KCTD16: variants seen among roughly 807,000 people sequenced by gnomAD.
KCTD16 encodes BTB/POZ domain-containing protein KCTD16.
Under a neutral mutation model 33.2 loss-of-function variants are expected in KCTD16, and 13 were observed. That is an observed-to-expected ratio of 0.39 (90% CI 0.25 to 0.62). The LOEUF (loss-of-function observed/expected upper bound fraction) is 0.62. Ranked by LOEUF, KCTD16 falls within the 20% of genes least tolerant of loss-of-function variation. The probability of loss-of-function intolerance (pLI) is 0.50; values close to 1 mark genes in which losing one functional copy is unlikely to be tolerated. For synonymous variants in KCTD16, 197 were observed against 195.3 expected (o/e 1.01, Z -0.07); for missense variants, 441 against 525.1 (o/e 0.84, Z 1.57).
At chr5:144,465,382 C>A (rs1053940774) in intron 3 of KCTD16, among the ~76,000 whole-genome samples, 1 of 152,156 alleles carries the variant, frequency 6.6e-6, no homozygotes, top group Non-Finnish European at 1.5e-5. Context: ...AGATGTGAAA[C>A]ACTATCCAGC....
chr5:144,446,276 C>T (rs535141815), intron 3 of KCTD16, among the ~76,000 whole-genome samples: 59 of 151,798 alleles, frequency 3.9e-4, no homozygotes, highest in African/African-American at 1.4e-3. Context: ...TTTTAAAACA[C>T]AAGTCTATGA....
intron 3 of KCTD16, among the ~76,000 whole-genome samples, chr5:144,291,777 A>G (rs1755902256): frequency 6.6e-6 from 1 of 152,190 alleles, no homozygotes; most frequent in Admixed American, 6.5e-5. Flanking sequence ...GTTATTAACT[A>G]CTATCTTAAA....
Position 144,473,777 on chromosome 5 carries a change from G to T in KCTD16, c.950G>T (p.Ser317Ile). The T allele has an allele frequency of 6.2e-7, 1 of 1,614,124 alleles. No individual in the cohort carries two copies. The highest frequency in any genetic ancestry group is 8.5e-7 in the Non-Finnish European group (1 of 1,180,008). The part of the protein sequence containing the change: ...CNDLSTSSCD[S>I]QSEASSPQET... Reference sequence around the variant, plus strand: ...GACCTCTCCACATCTAGCTGCGACAGCCAGTCTGAGGCCAGCTCTCCCCAG... The same window carrying T: ...GACCTCTCCACATCTAGCTGCGACATCCAGTCTGAGGCCAGCTCTCCCCAG... Residue 317 changes from serine (S) to isoleucine (I), a missense_variant, in exon 4 of 4, where the codon AGC becomes ATC. Coordinates refer to ENST00000512467, the MANE Select transcript of KCTD16 (RefSeq NM_020768.4).
chr5:144,459,066 A>G (rs970939496), intron 3 of KCTD16, among the ~76,000 whole-genome samples: 6 of 152,236 alleles, frequency 3.9e-5, no homozygotes, highest in Admixed American at 1.3e-4. Context: ...CTAACCAAGT[A>G]AGTGTTCTGT....
chr5:144,349,280 T>C (rs986012449), intron 3 of KCTD16, among the ~76,000 whole-genome samples: 9 of 152,136 alleles, frequency 5.9e-5, no homozygotes, highest in African/African-American at 2.2e-4. Flanking sequence ...CCACCTGGAT[T>C]TGAAGTCTGA....
chr5:144,203,617 A>G (rs567627384), intron 2 of KCTD16, among the ~76,000 whole-genome samples: 1 of 152,186 alleles, frequency 6.6e-6, no homozygotes, highest in East Asian at 1.9e-4. Flanking sequence ...CTGTTTCTCC[A>G]CCTACTGCCA....
intron 3 of KCTD16, among the ~76,000 whole-genome samples, chr5:144,288,816 A>G (rs1196755817): frequency 6.6e-6 from 1 of 152,084 alleles, no homozygotes; most frequent in East Asian, 1.9e-4. Flanking sequence ...CTAAAAATAC[A>G]GAAAGTTAGC....
chr5:144,343,640 CT>C (rs1752705132), intron 3 of KCTD16, among the ~76,000 whole-genome samples: 1 of 151,814 alleles, frequency 6.6e-6, no homozygotes, highest in South Asian at 2.1e-4. Context: ...TGTGTTTGCT[CT>C]TGCTTTTCTA....
At chr5:144,225,034 C>A (rs1753887567) in intron 3 of KCTD16, among the ~76,000 whole-genome samples, 1 of 152,008 alleles carries the variant, frequency 6.6e-6, no homozygotes, top group Non-Finnish European at 1.5e-5. Context: ...GAATTCAAAC[C>A]CCAATTGCCC....
chr5:144,421,437 C>T (rs1753206767), intron 3 of KCTD16, among the ~76,000 whole-genome samples: 1 of 152,118 alleles, frequency 6.6e-6, no homozygotes, highest in Non-Finnish European at 1.5e-5. Flanking sequence ...GAGACTGCGG[C>T]ACATTGGATA....
At position 144,291,741 on chromosome 5, in the gene KCTD16, G is replaced by C. The variant is rs140090146; in HGVS notation, c.832+84195G>C. Among the ~76,000 whole-genome samples the C allele has an allele frequency of 1.0e-3, 159 of 152,272 alleles. 4 individuals carry two copies. In the East Asian group the frequency reaches 0.025, roughly 24 times the overall value. On this transcript the variant is annotated intron_variant, in intron 3 of 3. Coordinates refer to ENST00000512467, the MANE Select transcript of KCTD16 (RefSeq NM_020768.4). The stretch of plus-strand genomic sequence containing the variant: ...TAAAATTCAGCGCATCTGGGAACTT[G>C]AATGAGAAAAAATTGCATCTTTCTT...
intron 3 of KCTD16, among the ~76,000 whole-genome samples, chr5:144,463,257 G>C (rs1754243792): frequency 6.6e-6 from 1 of 152,116 alleles, no homozygotes; most frequent in Non-Finnish European, 1.5e-5. Context: ...GGTGGGTTCT[G>C]AGTAGACTGC....
At position 144,207,529 on chromosome 5, in the gene KCTD16, C is replaced by T; in HGVS notation, c.815C>T (p.Thr272Ile). 1 of 1,611,726 alleles carries T rather than the reference C, an allele frequency of 6.2e-7. No individual in the cohort carries two copies. Among genetic ancestry groups the T allele is most frequent in the Non-Finnish European group, 8.5e-7 (1 of 1,178,384 alleles). ...YTDDKIWSSY[T>I]EYVFYREPSR... ...GATGACAAGATCTGGTCAAGCTACA[C>T]TGAATATGTCTTCTACCGTAAGTAC... is the stretch of plus-strand genomic sequence containing the variant. Residue 272 changes from threonine to isoleucine, a missense_variant, in exon 3 of 4, where the codon ACT becomes ATT. Coordinates refer to ENST00000512467, the MANE Select transcript of KCTD16 (RefSeq NM_020768.4).
chr5:144,280,764 C>A (rs1265341580), intron 3 of KCTD16, among the ~76,000 whole-genome samples: 6 of 152,046 alleles, frequency 3.9e-5, no homozygotes, highest in Non-Finnish European at 7.4e-5. Context: ...CTCTACTAAA[C>A]AAAATACAAA....
In KCTD16 at chr5:144,478,263, G is replaced by A. The variant is rs1043163181; in HGVS notation, c.*4149G>A. The A allele has an allele frequency of 7.9e-5, 12 of 152,198 alleles. No individual in the cohort carries two copies. The highest frequency in any genetic ancestry group is 4.4e-5 in the Non-Finnish European group (3 of 67,972). 9.4% of individuals were successfully genotyped at this position (152,198 alleles called of 1,614,324 possible). A position where few individuals can be genotyped will look rare whatever the true frequency, so the allele number is the denominator to read the frequency against. The stretch of plus-strand genomic sequence containing the variant: ...TATCTGCAGAGAAATTAGACCAAAT[G>A]AAACCTGCTGGAATAGGTTTGATTT... On this transcript the variant is annotated 3_prime_UTR_variant, in exon 4 of 4. Coordinates refer to ENST00000512467, the MANE Select transcript of KCTD16 (RefSeq NM_020768.4).
Position 144,207,171 on chromosome 5 carries a change from C to T in KCTD16, c.457C>T (p.Pro153Ser), listed in dbSNP as rs776180589. Residue 153 changes from proline (P) to serine (S), a missense_variant, in exon 3 of 4, where the codon CCT (proline) becomes TCT (serine). By Grantham distance (74) the Pro-to-Ser change is moderately conservative (BLOSUM62 -1). Transcript: ENST00000512467. ...SQGSDTRICP[P>S]SSLLPADRKW... The stretch of plus-strand genomic sequence containing the variant: ...AGGAAGCGACACAAGAATCTGCCCC[C>T]CTTCCTCCCTGCTCCCTGCCGACCG... The T allele has an allele frequency of 1.9e-6, 3 of 1,612,734 alleles. No homozygotes were observed. Among genetic ancestry groups the T allele is most frequent in the East Asian group, 2.2e-5 (1 of 44,876 alleles).
intron 3 of KCTD16, among the ~76,000 whole-genome samples, chr5:144,447,811 A>G (rs1247787177): frequency 6.6e-6 from 1 of 152,126 alleles, no homozygotes; most frequent in African/African-American, 2.4e-5. Flanking sequence ...TAGATGAAGT[A>G]CGTGCTTCTG....
chr5:144,308,259 A>G (rs562927398), intron 3 of KCTD16, among the ~76,000 whole-genome samples: 3 of 152,298 alleles, frequency 2.0e-5, no homozygotes, highest in South Asian at 4.1e-4. Flanking sequence ...GTTAAAATAT[A>G]TGCTCACATT....
chr5:144,185,765 A>T (rs1017149420), intron 2 of KCTD16, among the ~76,000 whole-genome samples: 1 of 152,116 alleles, frequency 6.6e-6, no homozygotes, highest in African/African-American at 2.4e-5. Flanking sequence ...TTAAAAAAAA[A>T]CCCCTTTCTT....
Sources: gnomAD v4.1 joint callset for allele counts (sites outside exome capture counted in the v4.1 genomes callset) on GRCh38, gnomAD v4.1.1 for gene constraint, MANE v1.5 for transcripts, NCBI Gene and HGNC (gene_info 2026-07-23, HGNC 2026-07-21) for gene names.